Variants in DLG2 observed in about 807,000 individuals in gnomAD.
DLG2 encodes disks large homolog 2.
DLG2 carries 45 observed loss-of-function variants against 132.5 expected under a neutral mutation model. The ratio of observed to expected loss-of-function variants is 0.34; its 90% CI spans 0.27 to 0.44. DLG2 has a LOEUF of 0.44. DLG2 is among the 20% of genes least tolerant of loss of function. The probability of loss-of-function intolerance (pLI) is 1.00; values close to 1 mark genes in which losing one functional copy is unlikely to be tolerated. For missense variants in DLG2, 1,045 were observed against 1,196.9 expected (o/e 0.87, Z 1.87); for synonymous variants, 424 against 419.6 (o/e 1.01, Z -0.13).
intron 10 of DLG2, among the ~76,000 whole-genome samples, chr11:84,095,927 G>A (rs896361596): frequency 1.4e-4 from 21 of 152,104 alleles, no homozygotes; most frequent in Admixed American, 1.0e-3. Context: ...CTGGCTCCAG[G>A]AAGCCAAAAT....
At chr11:84,158,232 T>G (rs748774864) in intron 9 of DLG2, among the ~76,000 whole-genome samples, 4 of 152,054 alleles carry the variant, frequency 2.6e-5, no homozygotes, top group Non-Finnish European at 4.4e-5. Flanking sequence ...TCCAGCTAAA[T>G]TTTTGTATTT....
At chr11:84,240,406 G>A (rs2097211063) in intron 8 of DLG2, among the ~76,000 whole-genome samples, 1 of 152,194 alleles carries the variant, frequency 6.6e-6, no homozygotes, top group African/African-American at 2.4e-5. Flanking sequence ...AATACAATAT[G>A]CAAGGTAGTT....
At chr11:84,114,427 A>G (rs1346748116) in intron 9 of DLG2, among the ~76,000 whole-genome samples, 1 of 152,136 alleles carries the variant, frequency 6.6e-6, no homozygotes, top group African/African-American at 2.4e-5. Context: ...ATCACCCTTG[A>G]CTATCATCCA....
intron 19 of DLG2, among the ~76,000 whole-genome samples, chr11:83,560,207 T>C (rs895783699): frequency 6.6e-6 from 1 of 152,022 alleles, no homozygotes; most frequent in Non-Finnish European, 1.5e-5. Flanking sequence ...AACCTCTGCC[T>C]TCTGGGTTCA....
rs34629978 is a variant in DLG2, at chr11:84,096,900, G to GA, written c.749+2022dup. Among the ~76,000 whole-genome samples, 277 of 147,828 alleles carry GA rather than the reference G, an allele frequency of 1.9e-3. 4 individuals are homozygous for GA. Among genetic ancestry groups the GA allele is most frequent in the Admixed American group, 0.016 (239 of 14,844 alleles). ...GTTGAAAAAAGATGCACATTTACCT[G>GA]AAAAAAAAAAAAATGTGATTCTCTT... On this transcript the variant is annotated intron_variant, in intron 10 of 27. Transcript: ENST00000376104.
intron 3 of DLG2, among the ~76,000 whole-genome samples, chr11:85,519,020 G>A (rs987044056): frequency 5.3e-5 from 8 of 152,168 alleles, no homozygotes; most frequent in African/African-American, 1.9e-4. Flanking sequence ...CATATGGAAA[G>A]ACATATGGAA....
Position 84,577,605 on chromosome 11 carries a change from G to A in DLG2, c.358-42874C>T, listed in dbSNP as rs183913909. ...AGAGAGATGATTTAGGGTATCTGAC[G>A]GAAAAAAATTTTAAGCAGCAAAGCA... On this transcript the variant is annotated intron_variant, in intron 6 of 27. Transcript: ENST00000376104. Among the ~76,000 whole-genome samples the A allele has an allele frequency of 2.8e-3, 427 of 152,184 alleles. 1 individual carries two copies. Among genetic ancestry groups the A allele is most frequent in the Non-Finnish European group, 4.9e-3 (336 of 68,008 alleles).
chr11:84,712,994 T>C (rs1210927111), intron 6 of DLG2, among the ~76,000 whole-genome samples: 1 of 152,112 alleles, frequency 6.6e-6, no homozygotes, highest in Non-Finnish European at 1.5e-5. Flanking sequence ...CAGAAAATGA[T>C]AGTGTGAATA....
chr11:85,330,987 G>A (rs1304691629), intron 3 of DLG2, among the ~76,000 whole-genome samples: 3 of 151,920 alleles, frequency 2.0e-5, no homozygotes, highest in African/African-American at 7.3e-5. Flanking sequence ...TAACATGCAG[G>A]GATGATAAAA....
intron 7 of DLG2, among the ~76,000 whole-genome samples, chr11:84,284,676 G>A (rs1599055677): frequency 1.3e-5 from 2 of 152,198 alleles, no homozygotes; most frequent in African/African-American, 4.8e-5. Context: ...TGAGGCAGAT[G>A]AAGTGTGTCT....
intron 7 of DLG2, among the ~76,000 whole-genome samples, chr11:84,319,538 T>C (rs551083490): frequency 6.6e-6 from 1 of 152,324 alleles, no homozygotes; most frequent in South Asian, 2.1e-4. Flanking sequence ...TCAATCTACA[T>C]AGACATAAGT....
At chr11:84,823,590 C>CAA (rs1203987044) in intron 6 of DLG2, among the ~76,000 whole-genome samples, 1 of 130,754 alleles carries the variant, frequency 7.6e-6, no homozygotes, top group African/African-American at 2.8e-5. Context: ...TCCACACACA[C>CAA]ACACACACAC....
chr11:85,002,604 G>A (rs1411884214), intron 6 of DLG2, among the ~76,000 whole-genome samples: 2 of 152,090 alleles, frequency 1.3e-5, no homozygotes, highest in Admixed American at 6.6e-5. Context: ...AGTGAATGTG[G>A]CCTTGAGATT....
At chr11:84,060,177 G>C (rs2096568462) in intron 10 of DLG2, among the ~76,000 whole-genome samples, 1 of 152,042 alleles carries the variant, frequency 6.6e-6, no homozygotes, top group South Asian at 2.1e-4. Flanking sequence ...GCTGGGCATG[G>C]TGGTGTGTGC....
intron 6 of DLG2, among the ~76,000 whole-genome samples, chr11:84,732,372 A>T (rs1460455791): frequency 6.6e-6 from 1 of 152,032 alleles, no homozygotes; most frequent in East Asian, 1.9e-4. Context: ...TTCATTTTAC[A>T]TTCCCACCAG....
chr11:85,068,223 C>T (rs2065231223), intron 6 of DLG2, among the ~76,000 whole-genome samples: 1 of 152,030 alleles, frequency 6.6e-6, no homozygotes. Context: ...TGGAAGCATT[C>T]CCTTTGAAAA....
At chr11:83,640,203 A>G (rs1246073973) in intron 18 of DLG2, among the ~76,000 whole-genome samples, 3 of 152,196 alleles carry the variant, frequency 2.0e-5, no homozygotes, top group Non-Finnish European at 2.9e-5. Context: ...CAGGAGAATT[A>G]GTTTGAAGAG....
intron 4 of DLG2, among the ~76,000 whole-genome samples, chr11:85,168,844 C>T (rs1174601447): frequency 1.3e-5 from 2 of 152,028 alleles, no homozygotes; most frequent in African/African-American, 4.8e-5. Context: ...TCATTGCAAA[C>T]CTTTAAAAAG....
chr11:85,131,025 G>T (rs966733573), intron 5 of DLG2, among the ~76,000 whole-genome samples: 3 of 152,066 alleles, frequency 2.0e-5, no homozygotes, highest in African/African-American at 7.2e-5. Context: ...AATTTCATGT[G>T]GGTCTGTGTT....
Sources: gnomAD v4.1 joint callset for allele counts (sites outside exome capture counted in the v4.1 genomes callset) on GRCh38, gnomAD v4.1.1 for gene constraint, MANE v1.5 for transcripts, NCBI Gene and HGNC (gene_info 2026-07-23, HGNC 2026-07-21) for gene names.